PDE11A: variants seen among roughly 807,000 people sequenced by gnomAD.
PDE11A encodes phosphodiesterase 11A.
PDE11A carries 100 observed loss-of-function variants against 100.5 expected under a neutral mutation model. The ratio of observed to expected loss-of-function variants is 1.00; its 90% CI spans 0.85 to 1.18. PDE11A has a LOEUF of 1.18. PDE11A is among the 50% of genes most tolerant of loss of function. The probability of loss-of-function intolerance (pLI) is 0.00; values close to 1 mark genes in which losing one functional copy is unlikely to be tolerated. For synonymous variants in PDE11A, 381 were observed against 420.8 expected, an observed-to-expected ratio of 0.91 and a Z score of 1.16; for missense variants, 1,141 against 1,152.6, an observed-to-expected ratio of 0.99 and a Z score of 0.15.
chr2:177,924,519 A>C (rs2105757475), intron 2 of PDE11A, among the ~76,000 whole-genome samples: 1 of 152,324 alleles, frequency 6.6e-6, no homozygotes, highest in South Asian at 2.1e-4. Flanking sequence ...GGAATTTATA[A>C]GATCCAGTGT....
intron 2 of PDE11A, among the ~76,000 whole-genome samples, chr2:178,004,878 C>T (rs1388380300): frequency 6.6e-6 from 1 of 152,110 alleles, no homozygotes; most frequent in Non-Finnish European, 1.5e-5. Context: ...TTAACTTCCC[C>T]AGTTCAGGGG....
intron 8 of PDE11A, among the ~76,000 whole-genome samples, chr2:177,817,394 G>A (rs1396253918): frequency 6.6e-6 from 1 of 152,172 alleles, no homozygotes; most frequent in Non-Finnish European, 1.5e-5. Flanking sequence ...CTTGATTAGA[G>A]AAAGATAACC....
In PDE11A at chr2:177,922,649, T is replaced by C. The variant is rs1364934217; in HGVS notation, c.1072-17462A>G. On this transcript the variant is annotated intron_variant, in intron 2 of 19. Transcript: ENST00000286063. ...TTACCTGTTAGTTATGTCTCAACAT[T>C]GTCTGCTTCCTTTAATCATCACTTC... 5 of 971,992 alleles carry C rather than the reference T, an allele frequency of 5.1e-6. No homozygotes were observed. In the Admixed American group the frequency reaches 1.8e-4, roughly 36 times the overall value. 60.2% of individuals were successfully genotyped at this position (971,992 alleles called of 1,614,324 possible). A position where few individuals can be genotyped will look rare whatever the true frequency, so the allele number is the denominator to read the frequency against.
At chr2:177,803,907 C>A (rs1208954970) in intron 9 of PDE11A, among the ~76,000 whole-genome samples, 1 of 151,804 alleles carries the variant, frequency 6.6e-6, no homozygotes, top group East Asian at 1.9e-4. Context: ...CAAGGATAAC[C>A]ATATGCAGAA....
At chr2:177,830,983 C>A (rs1286434190) in intron 6 of PDE11A, among the ~76,000 whole-genome samples, 2 of 152,144 alleles carry the variant, frequency 1.3e-5, no homozygotes, top group East Asian at 3.9e-4. Flanking sequence ...GACATATAAT[C>A]TTTTGTCATA....
Position 177,793,189 on chromosome 2 carries a change from A to C in PDE11A, c.1737+23640T>G, listed in dbSNP as rs117196310. On this transcript the variant is annotated intron_variant, in intron 9 of 19. Transcript: ENST00000286063. Reference sequence around the variant, plus strand: ...TTCAGGCGGATAAAGACTTCATTAGAGTCCATGGGAAGCCATCCAGGGTTT... The same window carrying C: ...TTCAGGCGGATAAAGACTTCATTAGCGTCCATGGGAAGCCATCCAGGGTTT... Among the ~76,000 whole-genome samples the C allele has an allele frequency of 3.3e-3, 502 of 152,286 alleles. 5 individuals are homozygous for C. In the East Asian group the frequency reaches 0.046, roughly 14 times the overall value.
At chr2:177,870,588 T>G (rs186313044) in intron 5 of PDE11A, among the ~76,000 whole-genome samples, 89 of 152,330 alleles carry the variant, frequency 5.8e-4, no homozygotes, top group African/African-American at 2.0e-3. Flanking sequence ...CCAGGCATTG[T>G]GCTCTTTCAG....
At chr2:178,014,503 T>C (rs775407509) in intron 1 of PDE11A, 43 bp from the exon 2 acceptor site, 6 of 1,527,210 alleles carry the variant, frequency 3.9e-6, no homozygotes, top group Non-Finnish European at 5.4e-6. Flanking sequence ...TGTGCATTGT[T>C]GTCAGGGAGA....
intron 13 of PDE11A, among the ~76,000 whole-genome samples, chr2:177,701,909 G>T (rs953942483): frequency 6.6e-6 from 1 of 152,134 alleles, no homozygotes; most frequent in African/African-American, 2.4e-5. Flanking sequence ...GCTTTGGACG[G>T]TTACTTGGCC....
rs139771336 is a variant in PDE11A at position 177,767,056 on chromosome 2, G to A, written c.1788+2267C>T. On this transcript the variant is annotated intron_variant, in intron 10 of 19. Transcript: ENST00000286063. ...TTTAGAAAGTAAACAGCTAGGCCAGGCATGGTGGCTCATGCCTGTAATCCC... is the reference window on the plus strand; with the variant it reads ...TTTAGAAAGTAAACAGCTAGGCCAGACATGGTGGCTCATGCCTGTAATCCC... Among the ~76,000 whole-genome samples, 316 of 152,312 alleles carry A rather than the reference G, an allele frequency of 2.1e-3. 1 individual carries two copies. The highest frequency in any genetic ancestry group is 0.01 in the Middle Eastern group (3 of 294).
intron 14 of PDE11A, among the ~76,000 whole-genome samples, chr2:177,699,058 G>A (rs1341169746): frequency 6.6e-6 from 1 of 152,192 alleles, no homozygotes; most frequent in Admixed American, 6.5e-5. Context: ...GAGGATGTGT[G>A]TTTTATTACA....
intron 4 of PDE11A, among the ~76,000 whole-genome samples, chr2:177,880,805 T>C (rs1262844517): frequency 6.6e-6 from 1 of 152,216 alleles, no homozygotes; most frequent in African/African-American, 2.4e-5. Flanking sequence ...TGTTTACTGA[T>C]CTTTGGTTAA....
At chr2:177,895,997 G>A (rs1483088984) in intron 4 of PDE11A, among the ~76,000 whole-genome samples, 2 of 152,124 alleles carry the variant, frequency 1.3e-5, no homozygotes, top group Non-Finnish European at 2.9e-5. Flanking sequence ...AATATTTTAT[G>A]GAGTTTGGTT....
chr2:177,893,786 G>T (rs2084568361), intron 4 of PDE11A, among the ~76,000 whole-genome samples: 1 of 152,064 alleles, frequency 6.6e-6, no homozygotes, highest in Admixed American at 6.5e-5. Context: ...TAATAATAAG[G>T]AAAGAAAGGT....
intron 19 of PDE11A, among the ~76,000 whole-genome samples, chr2:177,652,625 G>C (rs545183838): frequency 1.3e-5 from 2 of 152,106 alleles, no homozygotes; most frequent in Non-Finnish European, 1.5e-5. Context: ...GGGACTATAC[G>C]CATGAGACTG....
chr2:177,669,524 C>T lies in PDE11A; in HGVS notation c.2531G>A (p.Arg844Gln), dbSNP rs911385258. The T allele has an allele frequency of 4.9e-5, 72 of 1,458,822 alleles. No individual in the cohort carries two copies. Among genetic ancestry groups the T allele is most frequent in the South Asian group, 2.5e-4 (22 of 88,028 alleles). The allele number at this position is 1,458,822 out of a possible 1,614,324, so 90.4% of individuals were successfully genotyped here. ...AGTGAGTTTGAGCTCTAATCTCTCC[C>T]GATCTCCTTGTTCGAAGAACTCACT... The part of the protein sequence containing the change: ...VTSEFFEQGD[R>Q]ERLELKLTPS... Residue 844 changes from arginine to glutamine, a missense_variant, in exon 18 of 20, where the codon CGG becomes CAG. By Grantham distance (43) the Arg-to-Gln change is conservative. Coordinates refer to ENST00000286063, the MANE Select transcript of PDE11A (RefSeq NM_016953.4).
chr2:178,069,245 C>T (rs2087092007), intron 1 of PDE11A, among the ~76,000 whole-genome samples: 1 of 152,032 alleles, frequency 6.6e-6, no homozygotes, highest in Non-Finnish European at 1.5e-5. Flanking sequence ...TTATTGTCCC[C>T]ATTTTATGGG....
intron 1 of PDE11A, among the ~76,000 whole-genome samples, chr2:178,056,875 A>G (rs1414805925): frequency 6.6e-6 from 1 of 152,102 alleles, no homozygotes; most frequent in Non-Finnish European, 1.5e-5. Context: ...GAATGAGGAG[A>G]AAAAGAGACA....
chr2:177,816,567 T>C lies in PDE11A; in HGVS notation c.1737+262A>G, dbSNP rs6716496. Among the ~76,000 whole-genome samples, 44,565 of 152,112 alleles carry C rather than the reference T, an allele frequency of 0.29. 7,373 individuals are homozygous for C. The highest frequency in any genetic ancestry group is 0.45 in the African/African-American group (18,722 of 41,470). On this transcript the variant is annotated intron_variant, in intron 9 of 19. Coordinates refer to ENST00000286063, the MANE Select transcript of PDE11A (RefSeq NM_016953.4). ...TGCCAAATTATCTTTGGATTGTCAC[T>C]ATTTAATAAATGTAATTTTAAAAAA...
Sources: allele counts gnomAD v4.1 joint callset (sites outside exome capture counted in the v4.1 genomes callset), GRCh38; gene constraint gnomAD v4.1.1; transcripts MANE v1.5; gene names NCBI Gene and HGNC (gene_info 2026-07-23, HGNC 2026-07-21).